ZFPM2: variants seen among roughly 807,000 people sequenced by gnomAD.
The protein encoded by ZFPM2 is zinc finger protein ZFPM2.
In ZFPM2, 20 loss-of-function variants were observed where a neutral mutation model predicts 98.6. That is an observed-to-expected ratio of 0.20 (90% CI 0.14 to 0.29). The LOEUF (loss-of-function observed/expected upper bound fraction) is 0.29. ZFPM2 is among the 10% of genes least tolerant of loss of function. The probability of loss-of-function intolerance (pLI) is 1.00; values close to 1 mark genes in which losing one functional copy is unlikely to be tolerated. For synonymous variants in ZFPM2, 518 were observed against 502.7 expected, an observed-to-expected ratio of 1.03 and a Z score of -0.41; for missense variants, 1,310 against 1,388.6, an observed-to-expected ratio of 0.94 and a Z score of 0.90.
chr8:105,602,517 T>C lies in ZFPM2; in HGVS notation c.421-31729T>C, dbSNP rs900869196. On this transcript the variant is annotated intron_variant, in intron 4 of 7. Coordinates refer to ENST00000407775, the MANE Select transcript of ZFPM2 (RefSeq NM_012082.4). ...GGATTGCATTATCTTCAACCTGGCCTAAGTGAATTTCAAGATTTCAAAATT... is the reference window on the plus strand; with the variant it reads ...GGATTGCATTATCTTCAACCTGGCCCAAGTGAATTTCAAGATTTCAAAATT... Among the ~76,000 whole-genome samples the C allele has an allele frequency of 4.6e-5, 7 of 152,122 alleles. No individual in the cohort carries two copies. In the South Asian group the frequency reaches 1.0e-3, roughly 22 times the overall value.
chr8:105,393,038 AC>A (rs987750468), intron 1 of ZFPM2, among the ~76,000 whole-genome samples: 8 of 152,294 alleles, frequency 5.3e-5, no homozygotes, highest in Middle Eastern at 3.4e-3. Context: ...TATGAAAAAA[AC>A]GTCAGAATCC....
intron 6 of ZFPM2, among the ~76,000 whole-genome samples, chr8:105,791,990 TATTA>T (rs1341172374): frequency 1.3e-5 from 2 of 152,222 alleles, no homozygotes; most frequent in Non-Finnish European, 2.9e-5. Context: ...TTTTTTTCTT[TATTA>T]GTCTTGCTAG....
rs199721924 is a variant in ZFPM2, at chr8:105,537,703, AATATT to A, written c.302-23656_302-23652del. On this transcript the variant is annotated intron_variant, in intron 3 of 7. Coordinates refer to ENST00000407775, the MANE Select transcript of ZFPM2 (RefSeq NM_012082.4). ...ACTCTAAATAAAAGAAAAAGAAAGA[AATATT>A]ATAATATATTTTTTCTTTTTTCTTC... Among the ~76,000 whole-genome samples the A allele has an allele frequency of 1.3e-3, 194 of 152,028 alleles. 3 individuals carry two copies. The East Asian group carries it at 0.035, about 27-fold the overall frequency.
At chr8:105,499,515 T>C (rs1813544949) in intron 3 of ZFPM2, among the ~76,000 whole-genome samples, 1 of 152,156 alleles carries the variant, frequency 6.6e-6, no homozygotes, top group African/African-American at 2.4e-5. Context: ...GTGAGTGTAA[T>C]AGATTGGAGT....
intron 2 of ZFPM2, among the ~76,000 whole-genome samples, chr8:105,428,492 A>C (rs1323431174): frequency 2.0e-5 from 3 of 152,204 alleles, no homozygotes; most frequent in Non-Finnish European, 2.9e-5. Context: ...GACATTCAAT[A>C]AGCTACAGTT....
At chr8:105,398,685 T>C (rs1811272968) in intron 1 of ZFPM2, among the ~76,000 whole-genome samples, 1 of 152,150 alleles carries the variant, frequency 6.6e-6, no homozygotes, top group Admixed American at 6.6e-5. Context: ...GCCACTGATC[T>C]GAGAGCAGGC....
chr8:105,714,537 A>G (rs1365546517), intron 5 of ZFPM2, among the ~76,000 whole-genome samples: 1 of 152,050 alleles, frequency 6.6e-6, no homozygotes, highest in Non-Finnish European at 1.5e-5. Flanking sequence ...GATTAAATAA[A>G]TTATATTTTA....
intron 5 of ZFPM2, among the ~76,000 whole-genome samples, chr8:105,711,670 A>T (rs1410512556): frequency 2.6e-5 from 4 of 152,058 alleles, no homozygotes; most frequent in African/African-American, 7.2e-5. Context: ...TTTTACCCCC[A>T]GAAGTGTGTC....
At chr8:105,496,547 A>C (rs148548950) in intron 3 of ZFPM2, among the ~76,000 whole-genome samples, 1 of 152,106 alleles carries the variant, frequency 6.6e-6, no homozygotes, top group Non-Finnish European at 1.5e-5. Context: ...GAAGCAGACA[A>C]TGTTCATAGA....
In ZFPM2 at chr8:105,691,231, C is replaced by CTTTTTTTTT. The variant is rs869164122; in HGVS notation, c.532+56894_532+56902dup. 9.0e-4 allele frequency among the ~76,000 whole-genome samples: 61 copies of CTTTTTTTTT among 67,966 alleles called. 13 individuals are homozygous for CTTTTTTTTT. Among genetic ancestry groups the CTTTTTTTTT allele is most frequent in the African/African-American group, 3.2e-3 (41 of 12,638 alleles). The allele number at this position is 67,966 out of a possible 152,430, so 44.6% of individuals were successfully genotyped here. On this transcript the variant is annotated intron_variant, in intron 5 of 7. Coordinates refer to ENST00000407775, the MANE Select transcript of ZFPM2 (RefSeq NM_012082.4). ...CTCAAGCGCCCTGTTCCCAAAGAGA[C>CTTTTTTTTT]TTTTTTTTTTTTTTTTTTTTTTTTT...
At chr8:105,712,061 G>A (rs1811414193) in intron 5 of ZFPM2, among the ~76,000 whole-genome samples, 1 of 151,962 alleles carries the variant, frequency 6.6e-6, no homozygotes, top group Admixed American at 6.6e-5. Context: ...TGGTAACTGG[G>A]TTAATTTAGT....
At chr8:105,622,653 G>C (rs932340908) in intron 4 of ZFPM2, among the ~76,000 whole-genome samples, 1 of 152,122 alleles carries the variant, frequency 6.6e-6, no homozygotes, top group Non-Finnish European at 1.5e-5. Flanking sequence ...AGCATGTTGA[G>C]TGGATCTGTT....
chr8:105,723,157 AT>A (rs199758625), intron 5 of ZFPM2, among the ~76,000 whole-genome samples: 4 of 149,006 alleles, frequency 2.7e-5, no homozygotes, highest in South Asian at 2.1e-4. Context: ...TCCCCCACCC[AT>A]TTTTTTTTCT....
At chr8:105,500,192 C>G (rs765797549) in intron 3 of ZFPM2, among the ~76,000 whole-genome samples, 6 of 152,100 alleles carry the variant, frequency 3.9e-5, no homozygotes, top group Non-Finnish European at 7.4e-5. Context: ...CTCCTTTTAT[C>G]ATCCCTTTTG....
chr8:105,600,698 G>T (rs1468326784), intron 4 of ZFPM2, among the ~76,000 whole-genome samples: 1 of 151,546 alleles, frequency 6.6e-6, no homozygotes, highest in African/African-American at 2.4e-5. Context: ...GATTGTTTTG[G>T]ATAATCATAT....
chr8:105,561,451 T>C lies in ZFPM2; in HGVS notation c.390T>C (p.Pro130=). 1 of 1,613,122 alleles carries C rather than the reference T, an allele frequency of 6.2e-7. No homozygotes were observed. Among genetic ancestry groups the C allele is most frequent in the Non-Finnish European group, 8.5e-7 (1 of 1,179,482 alleles). ...LPVGTTWGPF[P]GKMDLNNNSL... is the part of the protein sequence containing the mutation. ...TGGGAACAACCTGGGGGCCGTTTCC[T>C]GGGAAGATGGACTTGAATAATAATT... is the stretch of plus-strand genomic sequence containing the variant. The change falls in exon 4 of 8, where the codon CCT becomes CCC. Residue 130 remains proline, a synonymous_variant. Coordinates refer to ENST00000407775, the MANE Select transcript of ZFPM2 (RefSeq NM_012082.4).
chr8:105,464,126 C>T (rs1812753126), intron 3 of ZFPM2, among the ~76,000 whole-genome samples: 1 of 152,082 alleles, frequency 6.6e-6, no homozygotes, highest in East Asian at 1.9e-4. Context: ...GAATTGTTCC[C>T]ATAAGATCTC....
intron 5 of ZFPM2, among the ~76,000 whole-genome samples, chr8:105,774,706 G>T (rs1301596773): frequency 1.6e-4 from 24 of 152,082 alleles, no homozygotes; most frequent in Non-Finnish European, 1.5e-5. Context: ...AAATGATGTT[G>T]GTTGTTCAGA....
At position 105,533,882 on chromosome 8, in the gene ZFPM2, T is replaced by C. The variant is rs1456025408; in HGVS notation, c.302-27481T>C. On this transcript the variant is annotated intron_variant, in intron 3 of 7. Coordinates refer to ENST00000407775, the MANE Select transcript of ZFPM2 (RefSeq NM_012082.4). ...CTCCCTTTCTCCCTCCCTCCCTTCT[T>C]TCCTTCCTTCCTTTCTTCCTACCTC... Among the ~76,000 whole-genome samples, 21 of 11,750 alleles carry C rather than the reference T, an allele frequency of 1.8e-3. 2 individuals carry two copies. In the African/African-American group the frequency reaches 0.024, roughly 13 times the overall value. The allele number at this position is 11,750 out of a possible 152,430, so 7.7% of individuals were successfully genotyped here. A position where few individuals can be genotyped will look rare whatever the true frequency, so the allele number is the denominator to read the frequency against.
Sources: allele counts gnomAD v4.1 joint callset (sites outside exome capture counted in the v4.1 genomes callset), GRCh38; gene constraint gnomAD v4.1.1; transcripts MANE v1.5; gene names NCBI Gene and HGNC (gene_info 2026-07-23, HGNC 2026-07-21).